OR56A3: variants seen among roughly 807,000 people sequenced by gnomAD.
OR56A3 encodes olfactory receptor 56A3.
OR56A3 carries 23 observed loss-of-function variants against 17.5 expected under a neutral mutation model. That is an observed-to-expected ratio of 1.32 (90% CI 0.95 to 1.87). The LOEUF (loss-of-function observed/expected upper bound fraction) is 1.87, where lower values mean the gene tolerates loss of function less well. Among genes scored for constraint, OR56A3 ranks in the 40% most tolerant of loss-of-function variants. The pLI, the probability that OR56A3 is intolerant of heterozygous loss-of-function variation, is 0.00. For missense variants in OR56A3, 366 were observed against 380.1 expected (o/e 0.96, Z 0.31); for synonymous variants, 175 against 150.6 (o/e 1.16, Z -1.19).
chr11:6,000,534 A>C, the OR56A3 span: 1 of 152,222 alleles, frequency 6.6e-6, no homozygotes, highest in African/African-American at 2.4e-5. Flanking sequence ...TAATGGGTGC[A>C]GCACGCCAAC....
At chr11:6,006,097 A>T in the OR56A3 span, among the ~76,000 whole-genome samples, 6 of 152,206 alleles carry the variant, frequency 3.9e-5, no homozygotes, top group Non-Finnish European at 7.3e-5. Flanking sequence ...ATTCAGTGTA[A>T]GAAAGATTAA....
At chr11:5,989,570 G>A in the OR56A3 span, among the ~76,000 whole-genome samples, 1 of 152,136 alleles carries the variant, frequency 6.6e-6, no homozygotes, top group African/African-American at 2.4e-5. Flanking sequence ...AAGTCTGCAA[G>A]TGCTTAGTAA....
At chr11:6,010,174 A>G in the OR56A3 span, among the ~76,000 whole-genome samples, 1 of 152,174 alleles carries the variant, frequency 6.6e-6, no homozygotes, top group Non-Finnish European at 1.5e-5. Flanking sequence ...TGTTATATAT[A>G]ACTTGTGACT....
the OR56A3 span, among the ~76,000 whole-genome samples, chr11:5,982,313 C>T: frequency 4.6e-5 from 7 of 152,112 alleles, no homozygotes; most frequent in African/African-American, 1.2e-4. Flanking sequence ...TGTGCATTGG[C>T]GATGGCGGGG....
downstream of OR56A3, among the ~76,000 whole-genome samples, chr11:5,956,323 C>G (rs1180154788): frequency 6.6e-6 from 1 of 152,128 alleles, no homozygotes; most frequent in African/African-American, 2.4e-5. Context: ...GCTTCAGCTT[C>G]AAAGAGTGTG....
the OR56A3 span, among the ~76,000 whole-genome samples, chr11:5,973,419 C>T: frequency 7.2e-5 from 11 of 152,120 alleles, no homozygotes; most frequent in African/African-American, 2.7e-4. Context: ...ATGTCTAGTA[C>T]AGTGTTTACA....
the OR56A3 span, among the ~76,000 whole-genome samples, chr11:5,991,477 A>T: frequency 6.6e-6 from 1 of 152,330 alleles, no homozygotes; most frequent in East Asian, 1.9e-4. Context: ...GTCCACTAGC[A>T]TCTAAATGGT....
the OR56A3 span, among the ~76,000 whole-genome samples, chr11:6,005,559 A>G: frequency 2.2e-4 from 34 of 152,202 alleles, no homozygotes; most frequent in African/African-American, 7.7e-4. Flanking sequence ...GATATGCAAT[A>G]GATGGTGTCT....
At chr11:5,957,174 G>A in the OR56A3 span, among the ~76,000 whole-genome samples, 6 of 151,162 alleles carry the variant, frequency 4.0e-5, no homozygotes, top group African/African-American at 1.5e-4. Flanking sequence ...TAAATAAATA[G>A]AGAAAGACAA....
the OR56A3 span, among the ~76,000 whole-genome samples, chr11:5,979,568 C>T: frequency 1.3e-5 from 2 of 151,910 alleles, no homozygotes; most frequent in Admixed American, 6.6e-5. Context: ...TAGTAATGTC[C>T]TCTTTGTCAT....
intron 2 of OR56A3, among the ~76,000 whole-genome samples, chr11:5,947,105 A>G (rs893685173): frequency 6.6e-6 from 1 of 152,240 alleles, no homozygotes; most frequent in South Asian, 2.1e-4. Flanking sequence ...TAAAGTAAAC[A>G]TGTATAGAGG....
the OR56A3 span, among the ~76,000 whole-genome samples, chr11:5,988,148 C>T: frequency 0.24 from 36,871 of 152,066 alleles, 4,537 homozygotes; most frequent in Admixed American, 0.26. Flanking sequence ...ATTCCTTTAT[C>T]TGAATTGGTC....
chr11:6,009,050 T>C, the OR56A3 span, among the ~76,000 whole-genome samples: 1 of 152,226 alleles, frequency 6.6e-6, no homozygotes, highest in Non-Finnish European at 1.5e-5. Context: ...AATGAAGATA[T>C]GTTGAAGTCC....
the OR56A3 span, among the ~76,000 whole-genome samples, chr11:5,984,936 T>A: frequency 6.6e-6 from 1 of 152,186 alleles, no homozygotes; most frequent in Non-Finnish European, 1.5e-5. Context: ...TTAGGCCAGA[T>A]CTCAGGGCAA....
chr11:6,013,391 G>A, the OR56A3 span, among the ~76,000 whole-genome samples: 8 of 152,198 alleles, frequency 5.3e-5, no homozygotes, highest in Admixed American at 3.9e-4. Flanking sequence ...GGCAATTGTT[G>A]GGGGGATCCT....
At chr11:5,976,931 C>G in the OR56A3 span, among the ~76,000 whole-genome samples, 647 of 152,220 alleles carry the variant, frequency 4.3e-3, 20 homozygotes, top group Admixed American at 0.039. Flanking sequence ...CATCTGTATT[C>G]AATATTCATT....
the OR56A3 span, among the ~76,000 whole-genome samples, chr11:5,981,790 G>A: frequency 6.6e-6 from 1 of 152,100 alleles, no homozygotes; most frequent in Non-Finnish European, 1.5e-5. Flanking sequence ...TGTATTGGCT[G>A]GTGTTCCTCT....
chr11:5,986,809 C>T, the OR56A3 span: 1 of 1,614,050 alleles, frequency 6.2e-7, no homozygotes, highest in East Asian at 2.2e-5. Context: ...CCAGTGCTGG[C>T]TTTCCTCTAA....
At position 5,950,648 on chromosome 11, in the gene OR56A3, TA is replaced by T. The variant is rs1847902447; in HGVS notation, c.*2355del. 1 of 152,150 alleles carries T rather than the reference TA, an allele frequency of 6.6e-6. No individual in the cohort carries two copies. The highest frequency in any genetic ancestry group is 1.5e-5 in the Non-Finnish European group (1 of 67,976). The allele number at this position is 152,150 out of a possible 1,614,324, so 9.4% of individuals were successfully genotyped here. On this transcript the variant is annotated 3_prime_UTR_variant, in exon 3 of 3. Coordinates refer to ENST00000641160, the MANE Select transcript of OR56A3 (RefSeq NM_001003443.3). ...ACAGACAAAATTAGTTCTAATAAGA[TA>T]TTTTATTTAGTCCAACATATCCAAA... is the stretch of plus-strand genomic sequence containing the variant.
Sources: allele counts gnomAD v4.1 joint callset (sites outside exome capture counted in the v4.1 genomes callset), GRCh38; gene constraint gnomAD v4.1.1; transcripts MANE v1.5; gene names NCBI Gene and HGNC (gene_info 2026-07-23, HGNC 2026-07-21).